VPS33A: variants seen among roughly 807,000 people sequenced by gnomAD.
The protein encoded by VPS33A is vacuolar protein sorting-associated protein 33A.
VPS33A carries 32 observed loss-of-function variants against 71.8 expected under a neutral mutation model. That is an observed-to-expected ratio of 0.45 (90% CI 0.34 to 0.60). The LOEUF is 0.60. Among genes scored for constraint, VPS33A ranks in the 20% least tolerant of loss-of-function variants. VPS33A has a pLI of 0.02. For synonymous variants in VPS33A, 311 were observed against 292.7 expected, an observed-to-expected ratio of 1.06 and a Z score of -0.64; for missense variants, 625 against 748.5, an observed-to-expected ratio of 0.84 and a Z score of 1.92.
intron 5 of VPS33A, 22 bp downstream of exon 5, chr12:122,250,961 C>T: frequency 1.9e-6 from 3 of 1,595,384 alleles, no homozygotes; most frequent in Non-Finnish European, 1.7e-6. Context: ...TCCTTTACCA[C>T]CACAAAGCAG....
intron 4 of VPS33A, among the ~76,000 whole-genome samples, chr12:122,259,851 C>T (rs746095552): frequency 6.6e-6 from 1 of 151,508 alleles, no homozygotes; most frequent in Non-Finnish European, 1.5e-5. Context: ...GACGCTGTCT[C>T]TCCAAAAAAT....
rs764085392 is a variant in VPS33A, at chr12:122,232,827, G to A, written c.1582C>T (p.Pro528Ser). ...TTCTTCTGCAGTCCTGTGGGCAGTGGCTGCCGCTCCTCAAAGTGGGGCCCT... is the reference window on the plus strand; with the variant it reads ...TTCTTCTGCAGTCCTGTGGGCAGTGACTGCCGCTCCTCAAAGTGGGGCCCT... Reference protein sequence around the residue: ...LPGPHFEERQPLPTGLQKKRQ... With the variant: ...LPGPHFEERQSLPTGLQKKRQ... The change falls in exon 12 of 13, where the codon CCA becomes TCA. Residue 528 changes from proline (P) to serine (S), a missense_variant. Physicochemically the swap from Pro to Ser is moderately conservative, Grantham distance 74. Coordinates refer to ENST00000267199, the MANE Select transcript of VPS33A (RefSeq NM_022916.6). 6.2e-7 allele frequency: 1 copy of A among 1,613,810 alleles called. No homozygotes were observed. The highest frequency in any genetic ancestry group is 8.5e-7 in the Non-Finnish European group (1 of 1,179,824).
intron 9 of VPS33A, among the ~76,000 whole-genome samples, chr12:122,239,561 C>T (rs1044999708): frequency 3.3e-5 from 5 of 151,792 alleles, no homozygotes; most frequent in Non-Finnish European, 4.4e-5. Flanking sequence ...GGTGAAACCC[C>T]GTCTCTATTA....
At chr12:122,255,300 T>C (rs1954901872) in intron 4 of VPS33A, among the ~76,000 whole-genome samples, 1 of 152,208 alleles carries the variant, frequency 6.6e-6, no homozygotes, top group South Asian at 2.1e-4. Context: ...GTGTTCACTG[T>C]ACAATTCAAT....
At chr12:122,251,904 C>T (rs1357564143) in intron 4 of VPS33A, among the ~76,000 whole-genome samples, 1 of 150,226 alleles carries the variant, frequency 6.7e-6, no homozygotes, top group African/African-American at 2.5e-5. Flanking sequence ...GCACATGTAC[C>T]CTAGAACTTA....
chr12:122,261,902 T>C (rs910874140), intron 3 of VPS33A, among the ~76,000 whole-genome samples: 18 of 152,152 alleles, frequency 1.2e-4, no homozygotes, highest in African/African-American at 3.9e-4. Context: ...CTTGGGAGGC[T>C]GAGGCAGGAG....
At chr12:122,255,063 A>AG (rs1315409453) in intron 4 of VPS33A, among the ~76,000 whole-genome samples, 1 of 152,052 alleles carries the variant, frequency 6.6e-6, no homozygotes, top group Non-Finnish European at 1.5e-5. Flanking sequence ...GGAAAAAAAA[A>AG]AAAAAAAGAA....
At position 122,264,147 on chromosome 12, in the gene VPS33A, T is replaced by C; in HGVS notation, c.155A>G (p.Tyr52Cys). 6.4e-7 allele frequency: 1 copy of C among 1,561,748 alleles called. No homozygotes were observed. The highest frequency in any genetic ancestry group is 8.7e-7 in the Non-Finnish European group (1 of 1,144,812). ...LTGPFGLIAQ[Y>C]SLLKEHEVEK... ...TAGCTCATTTACCTTCAATAGTGAA[T>C]ACTGTGCAATCAGGCCAAAGGGTCC... The change falls in exon 2 of 13, where the codon TAT becomes TGT. Residue 52 changes from tyrosine to cysteine, a missense_variant. By Grantham distance (194) the Tyr-to-Cys change is radical (BLOSUM62 -2). Coordinates refer to ENST00000267199, the MANE Select transcript of VPS33A (RefSeq NM_022916.6).
At chr12:122,244,862 G>A (rs1954757757) in intron 6 of VPS33A, 100 bp from the exon 7 acceptor site, 1 of 1,214,408 alleles carries the variant, frequency 8.2e-7, no homozygotes, top group South Asian at 1.5e-5. Context: ...AGGAGAAAAT[G>A]GAAGACGGCA....
chr12:122,259,302 C>A (rs1318794033), intron 4 of VPS33A, among the ~76,000 whole-genome samples: 3 of 152,028 alleles, frequency 2.0e-5, no homozygotes, highest in Non-Finnish European at 4.4e-5. Flanking sequence ...TCACTGTAAC[C>A]TCCACCTCCC....
At chr12:122,233,979 G>C (rs186468822) in intron 11 of VPS33A, among the ~76,000 whole-genome samples, 66 of 152,244 alleles carry the variant, frequency 4.3e-4, no homozygotes, top group Middle Eastern at 3.4e-3. Context: ...CCTGACAGAG[G>C]AGACTGTCTA....
In VPS33A at chr12:122,238,635, A is replaced by C; in HGVS notation, c.1254T>G (p.Ser418Arg). ...RLVCLQSVCNSGLKQKVLDYY... is the reference protein window; with the variant it reads ...RLVCLQSVCNRGLKQKVLDYY... ...AATCCAAAACTTTTTGTTTGAGCCC[A>C]CTATTACACACGGATTGGAGGCAAA... The change falls in exon 10 of 13, where the codon AGT (serine) becomes AGG (arginine). Residue 418 changes from serine to arginine, a missense_variant. Ser to Arg is a moderately radical substitution (Grantham distance 110). Coordinates refer to ENST00000267199, the MANE Select transcript of VPS33A (RefSeq NM_022916.6). The C allele has an allele frequency of 6.2e-7, 1 of 1,613,740 alleles. No homozygotes were observed. Among genetic ancestry groups the C allele is most frequent in the African/African-American group, 1.3e-5 (1 of 75,016 alleles).
At position 122,232,980 on chromosome 12, in the gene VPS33A, T is replaced by C; in HGVS notation, c.1441-12A>G. 1 of 1,580,484 alleles carries C rather than the reference T, an allele frequency of 6.3e-7. No individual in the cohort carries two copies. Among genetic ancestry groups the C allele is most frequent in the Non-Finnish European group, 8.6e-7 (1 of 1,160,214 alleles). ...ATGTCCGTGGGGTTCTGTGAGATAA[T>C]TAAAGAACAAAAACCCTATAGATAC... On this transcript the variant is annotated splice_polypyrimidine_tract_variant and intron_variant, in intron 11 of 12. Coordinates refer to ENST00000267199, the MANE Select transcript of VPS33A (RefSeq NM_022916.6).
rs755356273 is a variant in VPS33A at position 122,261,330 on chromosome 12, C to T, written c.414G>A (p.Glu138=). 1.2e-6 allele frequency: 2 copies of T among 1,614,092 alleles called. No individual in the cohort carries two copies. Among genetic ancestry groups the T allele is most frequent in the Non-Finnish European group, 1.7e-6 (2 of 1,180,010 alleles). The change falls in exon 4 of 13, where the codon GAG becomes GAA. Residue 138 remains glutamate, a synonymous_variant. Coordinates refer to ENST00000267199, the MANE Select transcript of VPS33A (RefSeq NM_022916.6). The stretch of plus-strand genomic sequence containing the variant: ...ATGGAATGAGATCTAAGCTGTACTC[C>T]TCCCTGTGAATAAAGGATCCCAAGA... ...LGVLGSFIHR[E]EYSLDLIPFD...
intron 9 of VPS33A, among the ~76,000 whole-genome samples, chr12:122,239,576 T>C (rs772440641): frequency 1.9e-4 from 29 of 151,416 alleles, no homozygotes; most frequent in Non-Finnish European, 3.7e-4. Flanking sequence ...CTATTAAAAA[T>C]ACAAAAAATT....
intron 1 of VPS33A, chr12:122,265,866 A>G (rs1424506898): frequency 5.4e-6 from 2 of 367,110 alleles, no homozygotes; most frequent in East Asian, 1.5e-4. Context: ...CCAAATGATT[A>G]CAACTTCTCT....
chr12:122,248,845 T>C (rs1014746012), intron 6 of VPS33A: 1 of 152,236 alleles, frequency 6.6e-6, no homozygotes, highest in African/African-American at 2.4e-5. Context: ...CCTTGGCCTC[T>C]GCTCACAGGG....
chr12:122,261,320 A>C lies in VPS33A; in HGVS notation c.424T>G (p.Leu142Val). Residue 142 changes from leucine to valine, a missense_variant, in exon 4 of 13, where the codon TTA becomes GTA. Physicochemically the swap from Leu to Val is conservative, Grantham distance 32. Coordinates refer to ENST00000267199, the MANE Select transcript of VPS33A (RefSeq NM_022916.6). Reference sequence around the variant, plus strand: ...TCCCCATCGAATGGAATGAGATCTAAGCTGTACTCCTCCCTGTGAATAAAG... The same window carrying C: ...TCCCCATCGAATGGAATGAGATCTACGCTGTACTCCTCCCTGTGAATAAAG... ...GSFIHREEYSLDLIPFDGDLL... is the reference protein window; with the variant it reads ...GSFIHREEYSVDLIPFDGDLL... The C allele has an allele frequency of 6.2e-7, 1 of 1,614,068 alleles. No individual in the cohort carries two copies. The highest frequency in any genetic ancestry group is 8.5e-7 in the Non-Finnish European group (1 of 1,180,002).
chr12:122,243,686 AAT>A (rs1954742382), intron 7 of VPS33A, among the ~76,000 whole-genome samples: 1 of 152,150 alleles, frequency 6.6e-6, no homozygotes, highest in East Asian at 1.9e-4. Flanking sequence ...AGAAAGATAA[AAT>A]CTGGAATTAC....
Sources: gnomAD v4.1 joint callset for allele counts (sites outside exome capture counted in the v4.1 genomes callset) on GRCh38, gnomAD v4.1.1 for gene constraint, MANE v1.5 for transcripts, NCBI Gene and HGNC (gene_info 2026-07-23, HGNC 2026-07-21) for gene names.